ZNF718: variants seen among roughly 807,000 people sequenced by gnomAD.
ZNF718 encodes the protein zinc finger protein 718.
In ZNF718, 3 loss-of-function variants were observed where a neutral mutation model predicts 2.6. The observed-to-expected ratio is 1.16, with a 90% confidence interval of 0.53 to 3.01. The LOEUF is 3.01. ZNF718 is among the 30% of genes most tolerant of loss of function. The pLI, the probability that ZNF718 is intolerant of heterozygous loss-of-function variation, is 0.03. For missense variants in ZNF718, 468 were observed against 230.0 expected, an observed-to-expected ratio of 2.03 and a Z score of -6.69; for synonymous variants, 135 against 77.9, an observed-to-expected ratio of 1.73 and a Z score of -3.86.
rs978293791 is a variant in ZNF718 at position 160,905 on chromosome 4, C to T, written c.227-7C>T. 6.7e-6 allele frequency: 5 copies of T among 746,312 alleles called. No individual in the cohort carries two copies. In the Admixed American group the frequency reaches 1.0e-4, roughly 15 times the overall value. 46.2% of individuals were successfully genotyped at this position (746,312 alleles called of 1,614,324 possible). A position where few individuals can be genotyped will look rare whatever the true frequency, so the allele number is the denominator to read the frequency against. On this transcript the variant is annotated splice_region_variant and splice_polypyrimidine_tract_variant and intron_variant, in intron 3 of 3. Coordinates refer to ENST00000510175, the MANE Select transcript of ZNF718 (RefSeq NM_001039127.6). Reference sequence around the variant, plus strand: ...GTGGGATAATTTGTTATTTTTATTTCTTTCAGCTGTGTGTTCTCATTTCAC... The same window carrying T: ...GTGGGATAATTTGTTATTTTTATTTTTTTCAGCTGTGTGTTCTCATTTCAC...
At chr4:135,522 C>CAATCAGAT (rs61087994) in intron 3 of ZNF718, among the ~76,000 whole-genome samples, 20,858 of 151,358 alleles carry the variant, frequency 0.14, 1,920 homozygotes, top group Admixed American at 0.24. Flanking sequence ...CCAAAGGAGG[C>CAATCAGAT]AATCAGATGT....
At chr4:197,278 T>A (rs1471072190) in intron 3 of ZNF718, among the ~76,000 whole-genome samples, 1 of 151,988 alleles carries the variant, frequency 6.6e-6, no homozygotes, top group Non-Finnish European at 1.5e-5. Flanking sequence ...TCTTTGATCT[T>A]TATACACTGT....
intron 3 of ZNF718, among the ~76,000 whole-genome samples, chr4:139,854 G>A (rs1234682907): frequency 6.6e-6 from 1 of 152,172 alleles, no homozygotes; most frequent in Non-Finnish European, 1.5e-5. Context: ...GCAACTGCAG[G>A]TTTCTGGCTG....
chr4:138,276 C>A (rs1174606815), intron 3 of ZNF718, among the ~76,000 whole-genome samples: 1 of 152,316 alleles, frequency 6.6e-6, no homozygotes, highest in Admixed American at 6.5e-5. Flanking sequence ...CCCCACTTCC[C>A]CCAGTCCCCT....
chr4:125,334 T>C (rs1236077643), intron 1 of ZNF718: 1 of 152,264 alleles, frequency 6.6e-6, no homozygotes, highest in Non-Finnish European at 1.5e-5. Context: ...TTGAGGAGGG[T>C]GTGGGCGTCC....
intron 3 of ZNF718, among the ~76,000 whole-genome samples, chr4:139,685 A>G (rs1251586848): frequency 6.6e-6 from 1 of 152,240 alleles, no homozygotes. Flanking sequence ...AAGGACCTGG[A>G]CACCTACAAC....
chr4:166,584 AT>A (rs2108808059), downstream of ZNF718, among the ~76,000 whole-genome samples: 1 of 152,228 alleles, frequency 6.6e-6, no homozygotes, highest in South Asian at 2.1e-4. Context: ...TTTGATTTGC[AT>A]TTCTCTGATG....
At chr4:184,953 C>G (rs1236072188) in intron 3 of ZNF718, among the ~76,000 whole-genome samples, 1 of 152,018 alleles carries the variant, frequency 6.6e-6, no homozygotes, top group African/African-American at 2.4e-5. Context: ...CAAAAAAGCT[C>G]CTGGATTTGT....
At chr4:197,895 G>A (rs1717823865) in intron 3 of ZNF718, among the ~76,000 whole-genome samples, 1 of 152,174 alleles carries the variant, frequency 6.6e-6, no homozygotes, top group South Asian at 2.1e-4. Flanking sequence ...ATGAATGGGT[G>A]GATGAAAGTA....
rs1019968497 is a variant in ZNF718 at position 161,383 on chromosome 4, G to A, written c.698G>A (p.Gly233Asp). ...AAATTCTACAAGTGTGAAGAATGTG[G>A]TAAAGGCTTTACTCGGTCCTCACAC... Reference protein sequence around the residue: ...REKFYKCEECGKGFTRSSHLT... With the variant: ...REKFYKCEECDKGFTRSSHLT... Residue 233 changes from glycine (G) to aspartate (D), a missense_variant, in exon 4 of 4, where the codon GGT becomes GAT. By Grantham distance (94) the Gly-to-Asp change is moderately conservative (BLOSUM62 -1). Coordinates refer to ENST00000510175, the MANE Select transcript of ZNF718 (RefSeq NM_001039127.6). The A allele has an allele frequency of 3.8e-6, 3 of 779,418 alleles. No homozygotes were observed. The highest frequency in any genetic ancestry group is 1.3e-5 in the South Asian group (1 of 74,526). 48.3% of individuals were successfully genotyped at this position (779,418 alleles called of 1,614,324 possible).
At chr4:190,440 A>T (rs1271493164) in intron 3 of ZNF718, among the ~76,000 whole-genome samples, 1 of 151,756 alleles carries the variant, frequency 6.6e-6, no homozygotes, top group Non-Finnish European at 1.5e-5. Context: ...AAAAAAAAAA[A>T]AAAAAAGAAG....
chr4:187,204 G>A (rs190289412), intron 3 of ZNF718, among the ~76,000 whole-genome samples: 1 of 151,662 alleles, frequency 6.6e-6, no homozygotes, highest in Admixed American at 6.6e-5. Flanking sequence ...TTGTTTTTTT[G>A]TTTTTTGGGG....
chr4:175,919 CTA>C (rs1717336809), intron 3 of ZNF718, among the ~76,000 whole-genome samples: 1 of 142,908 alleles, frequency 7.0e-6, no homozygotes, highest in Admixed American at 7.4e-5. Context: ...TGCAGTGGCG[CTA>C]TCTCGGCTCA....
At chr4:173,748 AG>A (rs1717291368) in intron 3 of ZNF718, among the ~76,000 whole-genome samples, 2 of 152,174 alleles carry the variant, frequency 1.3e-5, no homozygotes, top group South Asian at 4.1e-4. Flanking sequence ...GAGAAACAGG[AG>A]GGCTGACCAA....
At chr4:175,361 CTT>C (rs1190840293) in intron 3 of ZNF718, among the ~76,000 whole-genome samples, 4 of 152,186 alleles carry the variant, frequency 2.6e-5, no homozygotes, top group Admixed American at 6.5e-5. Flanking sequence ...GGATAAATCA[CTT>C]TTGAATAAAA....
Position 133,029 on chromosome 4 carries a change from T to C in ZNF718, c.226+1524T>C, listed in dbSNP as rs1320549135. 5.3e-5 allele frequency among the ~76,000 whole-genome samples: 5 copies of C among 94,976 alleles called. 1 individual carries two copies. The highest frequency in any genetic ancestry group is 1.8e-4 in the African/African-American group (5 of 27,166). 62.3% of individuals were successfully genotyped at this position (94,976 alleles called of 152,430 possible). On this transcript the variant is annotated intron_variant, in intron 3 of 3. Transcript: ENST00000510175. ...CCATCTCTACTAAAAATACAAAAATTAGCCTGGCATGGTTGTGCGCACCTG... is the reference window on the plus strand; with the variant it reads ...CCATCTCTACTAAAAATACAAAAATCAGCCTGGCATGGTTGTGCGCACCTG...
At chr4:142,691 A>G (rs968011203) in intron 3 of ZNF718, among the ~76,000 whole-genome samples, 4 of 152,256 alleles carry the variant, frequency 2.6e-5, no homozygotes, top group African/African-American at 7.2e-5. Flanking sequence ...TGTGAAAGTT[A>G]TAATAGAATT....
At chr4:144,372 A>G (rs1715955214) in intron 3 of ZNF718, among the ~76,000 whole-genome samples, 1 of 152,180 alleles carries the variant, frequency 6.6e-6, no homozygotes, top group Admixed American at 6.5e-5. Context: ...CATTCGCTCT[A>G]CTGTTTTACT....
Position 162,373 on chromosome 4 carries a change from T to C in ZNF718, c.*251T>C, listed in dbSNP as rs1255822109. The C allele has an allele frequency of 2.8e-6, 1 of 359,574 alleles. No individual in the cohort carries two copies. The highest frequency in any genetic ancestry group is 5.0e-6 in the Non-Finnish European group (1 of 199,954). 22.3% of individuals were successfully genotyped at this position (359,574 alleles called of 1,614,324 possible). On this transcript the variant is annotated 3_prime_UTR_variant, in exon 4 of 4. Transcript: ENST00000510175. ...AGAAAACCCCTAGGAATATTAAAAG[T>C]GTGGCAAAACCTTTAACCAATGCTC...
Sources: gnomAD v4.1 joint callset for allele counts (sites outside exome capture counted in the v4.1 genomes callset) on GRCh38, gnomAD v4.1.1 for gene constraint, MANE v1.5 for transcripts, NCBI Gene and HGNC (gene_info 2026-07-23, HGNC 2026-07-21) for gene names.